CFAP92: variants seen among roughly 807,000 people sequenced by gnomAD.
The protein encoded by CFAP92 is cilia and flagella associated protein 92 (putative).
Under a neutral mutation model 106.3 loss-of-function variants are expected in CFAP92, and 86 were observed. That is an observed-to-expected ratio of 0.81 (90% CI 0.68 to 0.97). The LOEUF (loss-of-function observed/expected upper bound fraction) is 0.97. Ranked by LOEUF, CFAP92 falls within the 50% of genes least tolerant of loss-of-function variation. CFAP92 has a pLI of 0.00. For missense variants in CFAP92, 1,204 were observed against 1,283.8 expected, an observed-to-expected ratio of 0.94 and a Z score of 0.95; for synonymous variants, 477 against 506.4, an observed-to-expected ratio of 0.94 and a Z score of 0.78.
At chr3:129,002,343 G>T in intron 1 of CFAP92, 1 of 1,511,718 alleles carries the variant, frequency 6.6e-7, no homozygotes, top group Non-Finnish European at 8.8e-7. Context: ...CGGCCACGAA[G>T]GGAGGGTGGT....
intron 7 of CFAP92, among the ~76,000 whole-genome samples, chr3:128,974,483 C>T (rs1309635380): frequency 6.6e-6 from 1 of 152,194 alleles, no homozygotes; most frequent in African/African-American, 2.4e-5. Context: ...TCTGCATGAA[C>T]GGATCCCATA....
the CFAP92 span, among the ~76,000 whole-genome samples, chr3:129,015,593 G>A: frequency 3.9e-5 from 6 of 152,176 alleles, no homozygotes; most frequent in South Asian, 4.2e-4. Context: ...CGGCGCCCCC[G>A]AGAGCTGAGT....
chr3:128,921,773 G>C (rs1051154712), intron 12 of CFAP92, among the ~76,000 whole-genome samples: 2 of 152,164 alleles, frequency 1.3e-5, no homozygotes, highest in African/African-American at 4.8e-5. Flanking sequence ...AGAGGGGCCT[G>C]CCTCAGGCCC....
intron 12 of CFAP92, among the ~76,000 whole-genome samples, chr3:128,921,788 A>ATTC: frequency 1.3e-5 from 2 of 152,232 alleles, no homozygotes; most frequent in Admixed American, 1.3e-4. Context: ...AGGCCCCTCA[A>ATTC]CAAACCAAGG....
upstream of CFAP92, chr3:129,004,020 A>C (rs1944940005): frequency 6.6e-7 from 1 of 1,508,478 alleles, no homozygotes; most frequent in African/African-American, 1.4e-5. Flanking sequence ...CTGGCGCAAC[A>C]GGTGCCCGGC....
At chr3:129,001,795 A>C in intron 1 of CFAP92, 1 of 1,544,920 alleles carries the variant, frequency 6.5e-7, no homozygotes, top group Non-Finnish European at 8.7e-7. Flanking sequence ...ACCGGCCTGG[A>C]CCAGTACCTG....
intron 12 of CFAP92, among the ~76,000 whole-genome samples, chr3:128,929,209 G>A (rs1397686810): frequency 1.3e-5 from 2 of 152,170 alleles, no homozygotes; most frequent in Non-Finnish European, 2.9e-5. Flanking sequence ...ATTATAAAAT[G>A]CAAATTAAAA....
intron 9 of CFAP92, 83 bp from the exon 10 acceptor site, chr3:128,946,058 G>T: frequency 9.6e-7 from 1 of 1,037,700 alleles, no homozygotes; most frequent in Non-Finnish European, 1.3e-6. Flanking sequence ...AAATCCCAGT[G>T]CCAGGCTCAT....
At chr3:128,948,528 A>AT (rs554978013) in intron 9 of CFAP92, among the ~76,000 whole-genome samples, 1,998 of 132,632 alleles carry the variant, frequency 0.015, 64 homozygotes, top group Admixed American at 0.074. Context: ...CCATCCCGGA[A>AT]TTTTTTTTTT....
rs575025338 is a variant in CFAP92, at chr3:128,991,999, A to G, written c.262+1044T>C. 2.8e-5 allele frequency: 12 copies of G among 427,856 alleles called. No individual in the cohort carries two copies. In the South Asian group the frequency reaches 4.8e-4, roughly 17 times the overall value. 26.5% of individuals were successfully genotyped at this position (427,856 alleles called of 1,614,324 possible). ...AGACTTGAGGAGTGTTTGTGGGGCT[A>G]GGCTTGCCCTCCTGTGTGTCCGTGT... is the stretch of plus-strand genomic sequence containing the variant. On this transcript the variant is annotated intron_variant, in intron 2 of 15. Coordinates refer to ENST00000645291, the MANE Select transcript of CFAP92 (RefSeq NM_001394090.1).
chr3:128,915,337 C>T lies in CFAP92; in HGVS notation c.3123+20G>A. 1.3e-6 allele frequency: 2 copies of T among 1,536,038 alleles called. No homozygotes were observed. The highest frequency in any genetic ancestry group is 1.7e-6 in the Non-Finnish European group (2 of 1,146,822). ...GTCCCTATGGACACCCCACCTGAGA[C>T]CCTGCTCTTCCCTGTGGACCTCATT... is the stretch of plus-strand genomic sequence containing the variant. On this transcript the variant is annotated intron_variant, in intron 14 of 15. Transcript: ENST00000645291.
chr3:128,934,368 C>T (rs529973288), intron 11 of CFAP92, among the ~76,000 whole-genome samples: 11 of 152,122 alleles, frequency 7.2e-5, no homozygotes, highest in Admixed American at 2.6e-4. Flanking sequence ...TACAGGCATG[C>T]GCCACCATGC....
intron 1 of CFAP92, chr3:129,002,459 G>A: frequency 2.2e-6 from 3 of 1,378,024 alleles, no homozygotes; most frequent in Non-Finnish European, 1.9e-6. Flanking sequence ...ATCCCACTCC[G>A]CATCAGCACA....
intron 12 of CFAP92, among the ~76,000 whole-genome samples, chr3:128,928,880 C>T (rs1938006865): frequency 6.6e-6 from 1 of 152,068 alleles, no homozygotes; most frequent in Non-Finnish European, 1.5e-5. Context: ...AAAATATTTG[C>T]AAATCATATT....
Position 128,987,800 on chromosome 3 carries a change from T to C in CFAP92, c.483A>G (p.Lys161=). Residue 161 remains lysine (K), a synonymous_variant, in exon 4 of 16, where the codon AAA becomes AAG. Transcript: ENST00000645291. ...KTVKPWHEGD[K]AWVSWEQTFN... is the part of the protein sequence containing the mutation. ...AAGTCTGCTCCCACGACACCCAGGCTTTGTCACCTTCGTGCCACGGCTTCA... is the reference window on the plus strand; with the variant it reads ...AAGTCTGCTCCCACGACACCCAGGCCTTGTCACCTTCGTGCCACGGCTTCA... 6.2e-7 allele frequency: 1 copy of C among 1,612,614 alleles called. No individual in the cohort carries two copies. The highest frequency in any genetic ancestry group is 1.1e-5 in the South Asian group (1 of 90,938).
At chr3:128,991,690 C>G (rs1303384164) in intron 2 of CFAP92, 1 of 874,796 alleles carries the variant, frequency 1.1e-6, no homozygotes, top group East Asian at 1.1e-4. Context: ...CTCAGCCGGC[C>G]TGCACCAAGG....
intron 10 of CFAP92, 143 bp downstream of exon 10, chr3:128,944,928 C>A: frequency 1.4e-6 from 1 of 735,204 alleles, no homozygotes; most frequent in Non-Finnish European, 2.2e-6. Flanking sequence ...ATGACTAAAC[C>A]CTGGTAAGTA....
chr3:129,016,025 C>T, the CFAP92 span, among the ~76,000 whole-genome samples: 7 of 152,274 alleles, frequency 4.6e-5, no homozygotes, highest in Admixed American at 1.3e-4. Context: ...AGTCACTGAG[C>T]GGCTCAGAGC....
chr3:128,952,103 T>A (rs1254667554), intron 9 of CFAP92, among the ~76,000 whole-genome samples: 1 of 151,590 alleles, frequency 6.6e-6, no homozygotes, highest in Non-Finnish European at 1.5e-5. Context: ...CTGCTACACA[T>A]ACAATTTTTT....
Sources: allele counts gnomAD v4.1 joint callset (sites outside exome capture counted in the v4.1 genomes callset), GRCh38; gene constraint gnomAD v4.1.1; transcripts MANE v1.5; gene names NCBI Gene and HGNC (gene_info 2026-07-23, HGNC 2026-07-21).